The following SPTLC3 variants were observed in gnomAD, a reference collection of about 807,000 sequenced individuals.
SPTLC3 encodes the protein serine palmitoyltransferase 3.
In SPTLC3, 36 loss-of-function variants were observed where a neutral mutation model predicts 59.3. That is an observed-to-expected ratio of 0.61 (90% CI 0.47 to 0.80). The LOEUF is 0.80. Ranked by LOEUF, SPTLC3 falls within the 30% of genes least tolerant of loss-of-function variation. The pLI is 0.00. For missense variants in SPTLC3, 625 were observed against 685.1 expected, an observed-to-expected ratio of 0.91 and a Z score of 0.98; for synonymous variants, 257 against 240.8, an observed-to-expected ratio of 1.07 and a Z score of -0.62.
intron 9 of SPTLC3, among the ~76,000 whole-genome samples, chr20:13,151,546 G>A (rs2038648739): frequency 6.6e-6 from 1 of 152,126 alleles, no homozygotes; most frequent in Admixed American, 6.5e-5. Context: ...CTGGAGTTGG[G>A]AAAAAGAAAG....
intron 8 of SPTLC3, among the ~76,000 whole-genome samples, chr20:13,120,329 C>G (rs1186061250): frequency 6.6e-6 from 1 of 152,192 alleles, no homozygotes; most frequent in South Asian, 2.1e-4. Context: ...GATTCCAAAC[C>G]AATGTATACA....
intron 1 of SPTLC3, among the ~76,000 whole-genome samples, chr20:13,013,562 A>T (rs972136744): frequency 2.6e-5 from 4 of 152,148 alleles, no homozygotes; most frequent in Non-Finnish European, 5.9e-5. Context: ...TTTCCTTAAA[A>T]CAATCCCCAA....
chr20:13,081,855 G>A (rs1347310803), intron 4 of SPTLC3, among the ~76,000 whole-genome samples: 1 of 152,128 alleles, frequency 6.6e-6, no homozygotes, highest in Admixed American at 6.5e-5. Flanking sequence ...TCTTTTAAGA[G>A]TATGTTTCAG....
intron 4 of SPTLC3, among the ~76,000 whole-genome samples, chr20:13,084,120 C>T (rs1273852635): frequency 1.3e-5 from 2 of 152,176 alleles, no homozygotes; most frequent in East Asian, 1.9e-4. Flanking sequence ...CTAATGGAAT[C>T]CCTTCAATTT....
chr20:13,052,947 G>A (rs552131368), intron 2 of SPTLC3, among the ~76,000 whole-genome samples: 2 of 152,178 alleles, frequency 1.3e-5, no homozygotes, highest in Non-Finnish European at 2.9e-5. Context: ...CCTGGGGGAA[G>A]GGGCAGCTGC....
intron 1 of SPTLC3, among the ~76,000 whole-genome samples, chr20:13,027,396 G>A (rs1403971503): frequency 6.6e-6 from 1 of 152,134 alleles, no homozygotes; most frequent in Admixed American, 6.5e-5. Context: ...GTTTTAGGAT[G>A]AGAAAATGGG....
chr20:13,158,996 T>C (rs569298846), intron 10 of SPTLC3, among the ~76,000 whole-genome samples: 3 of 152,348 alleles, frequency 2.0e-5, no homozygotes, highest in African/African-American at 4.8e-5. Flanking sequence ...ACCTCACTTA[T>C]GGGTAAAGTC....
At chr20:13,140,299 T>C (rs1284114829) in intron 9 of SPTLC3, among the ~76,000 whole-genome samples, 1 of 152,184 alleles carries the variant, frequency 6.6e-6, no homozygotes, top group Non-Finnish European at 1.5e-5. Flanking sequence ...TGAATGAGTT[T>C]GAGTGCACCC....
At chr20:13,063,669 T>TTTATTTA (rs1568584443) in intron 2 of SPTLC3, among the ~76,000 whole-genome samples, 15 of 90,772 alleles carry the variant, frequency 1.7e-4, no homozygotes, top group African/African-American at 7.3e-4. Context: ...TTATTTATTT[T>TTTATTTA]TTGAGACAGG....
chr20:13,155,361 C>A (rs1050123200), intron 10 of SPTLC3, among the ~76,000 whole-genome samples: 2 of 152,124 alleles, frequency 1.3e-5, no homozygotes, highest in African/African-American at 4.8e-5. Context: ...TCTCTAATAG[C>A]CTGACTAGAT....
intron 8 of SPTLC3, among the ~76,000 whole-genome samples, chr20:13,123,135 A>G (rs1396328190): frequency 1.3e-5 from 2 of 152,174 alleles, no homozygotes; most frequent in African/African-American, 4.8e-5. Context: ...GTTCGAGACC[A>G]GCCTGGCCAA....
At chr20:13,039,298 TG>T (rs1323318360) in intron 1 of SPTLC3, among the ~76,000 whole-genome samples, 1 of 152,104 alleles carries the variant, frequency 6.6e-6, no homozygotes, top group African/African-American at 2.4e-5. Context: ...GGGATTTTGA[TG>T]GTAGATGCAT....
intron 10 of SPTLC3, among the ~76,000 whole-genome samples, chr20:13,158,747 GT>G (rs1346111027): frequency 1.3e-5 from 2 of 152,178 alleles, no homozygotes; most frequent in Non-Finnish European, 2.9e-5. Context: ...GAGGCTGTGT[GT>G]CTTGTGGGTC....
At chr20:13,045,019 ACACAC>A (rs1393170505) in intron 1 of SPTLC3, among the ~76,000 whole-genome samples, 19 of 116,884 alleles carry the variant, frequency 1.6e-4, no homozygotes, top group Non-Finnish European at 2.2e-4. Context: ...ACACACACAC[ACACAC>A]ACACACACAC....
At chr20:13,136,318 C>T (rs939822789) in intron 9 of SPTLC3, among the ~76,000 whole-genome samples, 13 of 151,864 alleles carry the variant, frequency 8.6e-5, no homozygotes, top group Admixed American at 8.5e-4. Flanking sequence ...GGAATTTGGC[C>T]AGGTGTGGTG....
At chr20:13,020,516 A>G (rs547223707) in intron 1 of SPTLC3, among the ~76,000 whole-genome samples, 85 of 152,250 alleles carry the variant, frequency 5.6e-4, no homozygotes, top group Non-Finnish European at 8.8e-4. Context: ...CAACAGAGTG[A>G]GACCCTTTCT....
At chr20:13,075,408 T>G (rs984162633) in intron 4 of SPTLC3, among the ~76,000 whole-genome samples, 1 of 152,226 alleles carries the variant, frequency 6.6e-6, no homozygotes, top group Non-Finnish European at 1.5e-5. Flanking sequence ...GAACCACATG[T>G]CCCTCTTAGG....
Position 13,114,001 on chromosome 20 carries a change from A to G in SPTLC3, c.933-3505A>G, listed in dbSNP as rs555541663. 2.0e-5 allele frequency among the ~76,000 whole-genome samples: 3 copies of G among 152,352 alleles called. No homozygotes were observed. The South Asian group carries it at 6.2e-4, about 32-fold the overall frequency. On this transcript the variant is annotated intron_variant, in intron 7 of 11. Coordinates refer to ENST00000399002, the MANE Select transcript of SPTLC3 (RefSeq NM_018327.4). ...AAGAAATTGAGGCTCCGAGGCTTAG[A>G]TTACTTGCCCCAGGACAGATAACCG...
intron 1 of SPTLC3, among the ~76,000 whole-genome samples, chr20:13,040,593 C>T (rs1379716937): frequency 3.3e-5 from 5 of 152,000 alleles, no homozygotes; most frequent in East Asian, 1.9e-4. Context: ...CTCCTAACCT[C>T]GTGATCCACC....
Sources: allele counts gnomAD v4.1 joint callset (sites outside exome capture counted in the v4.1 genomes callset), GRCh38; gene constraint gnomAD v4.1.1; transcripts MANE v1.5; gene names NCBI Gene and HGNC (gene_info 2026-07-23, HGNC 2026-07-21).